PARD3B: variants seen among roughly 807,000 people sequenced by gnomAD.
PARD3B encodes the protein partitioning defective 3 homolog B.
Under a neutral mutation model 130.2 loss-of-function variants are expected in PARD3B, and 103 were observed. That is an observed-to-expected ratio of 0.79 (90% CI 0.67 to 0.93). The LOEUF is 0.93. Among genes scored for constraint, PARD3B ranks in the 40% least tolerant of loss-of-function variants. The probability of loss-of-function intolerance (pLI) is 0.00; values close to 1 mark genes in which losing one functional copy is unlikely to be tolerated. For synonymous variants in PARD3B, 583 were observed against 553.2 expected (o/e 1.05, Z -0.76); for missense variants, 1,609 against 1,499.2 (o/e 1.07, Z -1.21).
chr2:205,342,877 G>A (rs562898926), intron 18 of PARD3B, among the ~76,000 whole-genome samples: 4 of 152,106 alleles, frequency 2.6e-5, no homozygotes, highest in African/African-American at 7.2e-5. Flanking sequence ...TTAATTTAAC[G>A]GAAAATTGCT....
At chr2:204,900,785 A>C (rs1423903097) in intron 2 of PARD3B, among the ~76,000 whole-genome samples, 1 of 152,070 alleles carries the variant, frequency 6.6e-6, no homozygotes, top group African/African-American at 2.4e-5. Context: ...CAGGTATTTG[A>C]AGGGACTTAG....
At chr2:204,798,890 C>T (rs1198340002) in intron 2 of PARD3B, among the ~76,000 whole-genome samples, 1 of 152,130 alleles carries the variant, frequency 6.6e-6, no homozygotes, top group Admixed American at 6.5e-5. Flanking sequence ...CCAGTTAGTA[C>T]TTGCCATGGG....
intron 1 of PARD3B, among the ~76,000 whole-genome samples, chr2:204,563,458 G>A (rs2031477196): frequency 6.6e-6 from 1 of 151,970 alleles, no homozygotes; most frequent in African/African-American, 2.4e-5. Context: ...CCATAATAAT[G>A]GCAATTTGTT....
rs1175949969 is a variant in PARD3B at position 205,142,946 on chromosome 2, A to T, written c.1435-15776A>T. 1.3e-5 allele frequency among the ~76,000 whole-genome samples: 2 copies of T among 152,120 alleles called. No individual in the cohort carries two copies. The highest frequency in any genetic ancestry group is 2.9e-5 in the Non-Finnish European group (2 of 68,008). ...GCTGGCAAATAATTGTAAGAAAGTG[A>T]TGCGAATCATCAGAATGGGAAAACA... On this transcript the variant is annotated intron_variant, in intron 10 of 22. Transcript: ENST00000406610. This position sits in a 1 kb window ranked among gnomAD's most constrained non-coding sequence, Gnocchi z 4.3.
chr2:205,463,208 A>G lies in PARD3B; in HGVS notation c.3044+22536A>G, dbSNP rs1333330229. On this transcript the variant is annotated intron_variant, in intron 20 of 22. Coordinates refer to ENST00000406610, the MANE Select transcript of PARD3B (RefSeq NM_001302769.2). The surrounding 1 kb of genome is among the most constrained non-coding windows in gnomAD (Gnocchi z 4.8). Reference sequence around the variant, plus strand: ...CCTAGAACTAAGGAATATCTTGGCAATGACATTGCTTAGTCTTCCTTACAC... The same window carrying G: ...CCTAGAACTAAGGAATATCTTGGCAGTGACATTGCTTAGTCTTCCTTACAC... Among the ~76,000 whole-genome samples, 2 of 152,322 alleles carry G rather than the reference A, an allele frequency of 1.3e-5. No homozygotes were observed. The highest frequency in any genetic ancestry group is 2.1e-4 in the South Asian group (1 of 4,824).
chr2:205,224,452 C>A (rs1347150765), intron 15 of PARD3B, among the ~76,000 whole-genome samples: 1 of 150,512 alleles, frequency 6.6e-6, no homozygotes, highest in Non-Finnish European at 1.5e-5. Flanking sequence ...ACTGTAGTCA[C>A]CCTGTTATGC....
chr2:205,480,610 ATGAT>A (rs1394059595), intron 20 of PARD3B, among the ~76,000 whole-genome samples: 1 of 152,126 alleles, frequency 6.6e-6, no homozygotes, highest in African/African-American at 2.4e-5. Flanking sequence ...TATTTGCAAA[ATGAT>A]TGTAAGAGTC....
intron 2 of PARD3B, among the ~76,000 whole-genome samples, chr2:204,878,164 T>TAGG (rs1379271349): frequency 6.6e-6 from 1 of 152,188 alleles, no homozygotes; most frequent in Non-Finnish European, 1.5e-5. Flanking sequence ...GCTTTAGTGT[T>TAGG]ATAGCATAGA....
At chr2:205,545,366 T>TA (rs2052337212) in intron 21 of PARD3B, among the ~76,000 whole-genome samples, 1 of 152,198 alleles carries the variant, frequency 6.6e-6, no homozygotes, top group Non-Finnish European at 1.5e-5. Context: ...GCCAAATCTG[T>TA]AACTAGGTAA....
chr2:204,865,332 G>A (rs897673493), intron 2 of PARD3B, among the ~76,000 whole-genome samples: 3 of 152,158 alleles, frequency 2.0e-5, no homozygotes, highest in African/African-American at 7.2e-5. Context: ...ATTTATAGCA[G>A]CACAATTTGC....
At position 205,550,927 on chromosome 2, in the gene PARD3B, G is replaced by GTA. The variant is rs1297797177; in HGVS notation, c.3181-2396_3181-2395insAT. On this transcript the variant is annotated intron_variant, in intron 21 of 22. Coordinates refer to ENST00000406610, the MANE Select transcript of PARD3B (RefSeq NM_001302769.2). This position sits in a 1 kb window ranked among gnomAD's most constrained non-coding sequence, Gnocchi z 4.5. ...ATGTTATAAATACATATAATTATGT[G>GTA]TGTGTGTGTGTGTGTATATATATAT... 0.021 allele frequency among the ~76,000 whole-genome samples: 815 copies of GTA among 39,186 alleles called. 15 individuals are homozygous for GTA. The highest frequency in any genetic ancestry group is 0.045 in the African/African-American group (774 of 17,270). The allele number at this position is 39,186 out of a possible 152,430, so 25.7% of individuals were successfully genotyped here.
In PARD3B at chr2:205,538,874, GA is replaced by G. The variant is rs1575297477; in HGVS notation, c.3181-14449del. Among the ~76,000 whole-genome samples the G allele has an allele frequency of 3.3e-5, 5 of 152,290 alleles. No homozygotes were observed. In the East Asian group the frequency reaches 9.6e-4, roughly 29 times the overall value. The stretch of plus-strand genomic sequence containing the variant: ...AATGAATATTTACTGACATGTAGTA[GA>G]CTATGTGTGAGATGTACTATGTGAT... On this transcript the variant is annotated intron_variant, in intron 21 of 22. Transcript: ENST00000406610.
At chr2:205,345,076 T>C (rs2105823030) in intron 18 of PARD3B, among the ~76,000 whole-genome samples, 1 of 152,292 alleles carries the variant, frequency 6.6e-6, no homozygotes, top group East Asian at 1.9e-4. Context: ...GTGATATCTT[T>C]TCCTCACCCA....
intron 3 of PARD3B, among the ~76,000 whole-genome samples, chr2:205,024,381 C>T (rs575583406): frequency 2.0e-5 from 3 of 152,062 alleles, no homozygotes; most frequent in African/African-American, 7.2e-5. Flanking sequence ...GTTGGGCAAG[C>T]TGGTCTCGAA....
At chr2:205,255,736 G>A (rs897257100) in intron 16 of PARD3B, among the ~76,000 whole-genome samples, 16 of 151,938 alleles carry the variant, frequency 1.1e-4, no homozygotes, top group East Asian at 1.9e-4. Context: ...AGGGCTGGAT[G>A]GAAGAGATGA....
Position 205,509,698 on chromosome 2 carries a change from T to C in PARD3B, c.3180+9667T>C, listed in dbSNP as rs111920573. On this transcript the variant is annotated intron_variant, in intron 21 of 22. Coordinates refer to ENST00000406610, the MANE Select transcript of PARD3B (RefSeq NM_001302769.2). ...TGTTAGAGCTATTCCTGATGCTCTG[T>C]TGCTACTACACTAGCCTCTGGATTC... 8.3e-4 allele frequency among the ~76,000 whole-genome samples: 127 copies of C among 152,362 alleles called. 1 individual carries two copies. Among genetic ancestry groups the C allele is most frequent in the Middle Eastern group, 3.4e-3 (1 of 294 alleles).
intron 1 of PARD3B, among the ~76,000 whole-genome samples, chr2:204,632,753 G>A (rs533843568): frequency 1.3e-5 from 2 of 152,176 alleles, no homozygotes; most frequent in Non-Finnish European, 2.9e-5. Context: ...CTGTTGGCTG[G>A]GTGTGGGGGT....
At chr2:205,072,816 G>A (rs1002991476) in intron 4 of PARD3B, among the ~76,000 whole-genome samples, 3 of 152,014 alleles carry the variant, frequency 2.0e-5, no homozygotes, top group Non-Finnish European at 2.9e-5. Context: ...TAGTAAAAGC[G>A]ACGATACCAA....
rs2048335179 is a variant in PARD3B at position 205,458,135 on chromosome 2, A to G, written c.3044+17463A>G. Among the ~76,000 whole-genome samples the G allele has an allele frequency of 6.6e-6, 1 of 151,796 alleles. No individual in the cohort carries two copies. The highest frequency in any genetic ancestry group is 1.5e-5 in the Non-Finnish European group (1 of 67,940). On this transcript the variant is annotated intron_variant, in intron 20 of 22. Transcript: ENST00000406610. This position sits in a 1 kb window ranked among gnomAD's most constrained non-coding sequence, Gnocchi z 4.8. Reference sequence around the variant, plus strand: ...TGTCTGTGAGCGTGTGTTGGCAGGGAGGTATGTTTAAACCTGATTAGGATT... The same window carrying G: ...TGTCTGTGAGCGTGTGTTGGCAGGGGGGTATGTTTAAACCTGATTAGGATT...
Sources: gnomAD v4.1 joint callset for allele counts (sites outside exome capture counted in the v4.1 genomes callset) on GRCh38, gnomAD v4.1.1 for gene constraint, Gnocchi (gnomAD v3.1) non-coding constraint, MANE v1.5 for transcripts, NCBI Gene and HGNC (gene_info 2026-07-23, HGNC 2026-07-21) for gene names.